GFPT1: variants seen among roughly 807,000 people sequenced by gnomAD.
The protein encoded by GFPT1 is glutamine--fructose-6-phosphate transaminase 1, also known as glutamine--fructose-6-phosphate aminotransferase [isomerizing] 1.
A neutral mutation model predicts 92.0 loss-of-function variants in GFPT1; 40 were observed. That is an observed-to-expected ratio of 0.43 (90% CI 0.34 to 0.57). The LOEUF (loss-of-function observed/expected upper bound fraction) is 0.57, where lower values mean the gene tolerates loss of function less well. Among genes scored for constraint, GFPT1 ranks in the 20% least tolerant of loss-of-function variants. The pLI is 0.02. For missense variants in GFPT1, 448 were observed against 869.1 expected, an observed-to-expected ratio of 0.52 and a Z score of 6.09; for synonymous variants, 269 against 280.6, an observed-to-expected ratio of 0.96 and a Z score of 0.41.
intron 9 of GFPT1, among the ~76,000 whole-genome samples, chr2:69,353,149 A>G (rs1442277139): frequency 6.6e-6 from 1 of 152,206 alleles, no homozygotes; most frequent in African/African-American, 2.4e-5. Context: ...TGATCTCAGC[A>G]CTTTGGGAGG....
chr2:69,348,415 C>T, intron 10 of GFPT1, 81 bp from the exon 11 acceptor site: 7 of 1,130,352 alleles, frequency 6.2e-6, no homozygotes, highest in Non-Finnish European at 8.1e-6. Context: ...GATACAAGAA[C>T]CAAATTTCAA....
At chr2:69,383,151 G>T (rs1389372777) in intron 1 of GFPT1, among the ~76,000 whole-genome samples, 1 of 152,118 alleles carries the variant, frequency 6.6e-6, no homozygotes, top group Non-Finnish European at 1.5e-5. Context: ...ATGCTAAAAA[G>T]GAATGAAGTA....
At chr2:69,363,953 A>G (rs1267812976) in intron 3 of GFPT1, among the ~76,000 whole-genome samples, 1 of 152,092 alleles carries the variant, frequency 6.6e-6, no homozygotes, top group Non-Finnish European at 1.5e-5. Flanking sequence ...CATCTCTACT[A>G]AAAATACAAA....
chr2:69,362,387 A>G (rs897448375), intron 4 of GFPT1, among the ~76,000 whole-genome samples: 2 of 152,180 alleles, frequency 1.3e-5, no homozygotes, highest in Non-Finnish European at 2.9e-5. Flanking sequence ...TCAGCCTTCC[A>G]AAGTGCTGGG....
chr2:69,380,885 A>G (rs1671992955), intron 1 of GFPT1, among the ~76,000 whole-genome samples: 1 of 152,150 alleles, frequency 6.6e-6, no homozygotes, highest in Non-Finnish European at 1.5e-5. Flanking sequence ...TCTCCCAGAT[A>G]TTATTTTAGA....
intron 1 of GFPT1, among the ~76,000 whole-genome samples, chr2:69,385,948 T>G (rs561218448): frequency 6.6e-6 from 1 of 152,108 alleles, no homozygotes; most frequent in South Asian, 2.1e-4. Context: ...CCACCTCCTG[T>G]TCAGTTCCTT....
chr2:69,341,164 C>G (rs1574053820), intron 13 of GFPT1, among the ~76,000 whole-genome samples: 1 of 151,732 alleles, frequency 6.6e-6, no homozygotes, highest in Non-Finnish European at 1.5e-5. Flanking sequence ...CGCTATGTTG[C>G]CCAGGCTCAA....
Position 69,348,954 on chromosome 2 carries a change from G to A in GFPT1, c.846-620C>T, listed in dbSNP as rs557697637. ...TCTCTCTATTCTGGCCACACTCAAA[G>A]CCATCCTAAACTCTCACAGGCTGAG... On this transcript the variant is annotated intron_variant, in intron 10 of 19. Transcript: ENST00000357308. 2.6e-5 allele frequency among the ~76,000 whole-genome samples: 4 copies of A among 152,114 alleles called. No homozygotes were observed. The East Asian group carries it at 7.7e-4, about 29-fold the overall frequency.
intron 7 of GFPT1, among the ~76,000 whole-genome samples, chr2:69,356,282 C>G (rs927189550): frequency 2.6e-5 from 4 of 152,138 alleles, no homozygotes; most frequent in Admixed American, 2.0e-4. Context: ...GTGTGAGCCA[C>G]AGCGCCCGGC....
chr2:69,352,038 G>A (rs919519545), intron 9 of GFPT1, among the ~76,000 whole-genome samples: 1 of 152,052 alleles, frequency 6.6e-6, no homozygotes, highest in South Asian at 2.1e-4. Flanking sequence ...GAGGTGGGCA[G>A]ATCACTTGAG....
At chr2:69,343,800 C>A (rs1306013484) in intron 12 of GFPT1, among the ~76,000 whole-genome samples, 1 of 152,110 alleles carries the variant, frequency 6.6e-6, no homozygotes, top group Non-Finnish European at 1.5e-5. Flanking sequence ...TATATGTTCT[C>A]CGTTTTGAAT....
At chr2:69,332,208 T>C (rs983889032) in intron 15 of GFPT1, among the ~76,000 whole-genome samples, 19 of 152,156 alleles carry the variant, frequency 1.2e-4, no homozygotes, top group Non-Finnish European at 1.8e-4. Context: ...CAATTTGTGC[T>C]AGGAATTTAA....
chr2:69,369,361 A>C (rs1671688972), intron 3 of GFPT1, among the ~76,000 whole-genome samples: 1 of 152,188 alleles, frequency 6.6e-6, no homozygotes, highest in Non-Finnish European at 1.5e-5. Context: ...GGTTTTGTGG[A>C]GAATTTTAAA....
intron 1 of GFPT1, among the ~76,000 whole-genome samples, chr2:69,385,708 A>G (rs1383548149): frequency 4.6e-5 from 7 of 152,042 alleles, no homozygotes; most frequent in Admixed American, 4.6e-4. Flanking sequence ...CAAATTCACT[A>G]CTTCACAGCT....
chr2:69,338,905 T>G (rs1670868921), intron 13 of GFPT1, among the ~76,000 whole-genome samples: 1 of 150,276 alleles, frequency 6.7e-6, no homozygotes, highest in Non-Finnish European at 1.5e-5. Context: ...GTTCAAGCAA[T>G]TCTCCTGCCT....
intron 13 of GFPT1, 75 bp downstream of exon 13, chr2:69,342,075 GTA>G: frequency 1.3e-6 from 1 of 786,788 alleles, no homozygotes. Context: ...GTTTTACACA[GTA>G]TGTTATTAGA....
rs1033377757 is a variant in GFPT1 at position 69,323,622 on chromosome 2, C to T, written c.*2567G>A. 6.6e-6 allele frequency: 1 copy of T among 152,076 alleles called. No homozygotes were observed. The highest frequency in any genetic ancestry group is 6.6e-5 in the Admixed American group (1 of 15,258). The allele number at this position is 152,076 out of a possible 1,614,324, so 9.4% of individuals were successfully genotyped here. A position where few individuals can be genotyped will look rare whatever the true frequency, so the allele number is the denominator to read the frequency against. On this transcript the variant is annotated 3_prime_UTR_variant, in exon 20 of 20. Transcript: ENST00000357308. ...CAAGCGATCCTACTACTTAAGCCTCCCAAGTTGCTGAGACTACAGGCACAA... is the reference window on the plus strand; with the variant it reads ...CAAGCGATCCTACTACTTAAGCCTCTCAAGTTGCTGAGACTACAGGCACAA...
At chr2:69,345,725 T>C (rs1044891681) in intron 12 of GFPT1, among the ~76,000 whole-genome samples, 179 bp downstream of exon 12, 1 of 152,190 alleles carries the variant, frequency 6.6e-6, no homozygotes, top group Non-Finnish European at 1.5e-5. Context: ...CTATTCTAGA[T>C]ATCTTATATA....
In GFPT1 at chr2:69,387,160, CT is replaced by C; in HGVS notation, c.-90del. On this transcript the variant is annotated 5_prime_UTR_variant, in exon 1 of 20. Coordinates refer to ENST00000357308, the MANE Select transcript of GFPT1 (RefSeq NM_001244710.2). Reference sequence around the variant, plus strand: ...CGAGCTTCGGTGGGCAATCTGCGGGCTCGGGGGCCGGGGTGGCGCCGACACG... The same window carrying C: ...CGAGCTTCGGTGGGCAATCTGCGGGCCGGGGGCCGGGGTGGCGCCGACACG... 1 of 1,430,816 alleles carries C rather than the reference CT, an allele frequency of 7.0e-7. No homozygotes were observed. Among genetic ancestry groups the C allele is most frequent in the Non-Finnish European group, 9.2e-7 (1 of 1,081,278 alleles). 88.6% of individuals were successfully genotyped at this position (1,430,816 alleles called of 1,614,324 possible).
Sources: allele counts gnomAD v4.1 joint callset (sites outside exome capture counted in the v4.1 genomes callset), GRCh38; gene constraint gnomAD v4.1.1; transcripts MANE v1.5; gene names NCBI Gene and HGNC (gene_info 2026-07-23, HGNC 2026-07-21).